Variants in GBP3 observed in about 807,000 individuals in gnomAD.
GBP3 encodes the protein guanylate binding protein 3.
In GBP3, 55 loss-of-function variants were observed where a neutral mutation model predicts 62.4. The ratio of observed to expected loss-of-function variants is 0.88; its 90% confidence interval spans 0.71 to 1.10. The LOEUF (loss-of-function observed/expected upper bound fraction) is 1.10. Ranked by LOEUF, GBP3 falls within the 50% of genes least tolerant of loss-of-function variation. GBP3 has a pLI of 0.00. For synonymous variants in GBP3, 208 were observed against 259.2 expected (o/e 0.80, Z 1.90); for missense variants, 605 against 690.6 (o/e 0.88, Z 1.39).
In GBP3 at chr1:89,011,266, C is replaced by G. The variant is rs1396004633; in HGVS notation, c.1150-150G>C. On this transcript the variant is annotated intron_variant, in intron 7 of 10. Coordinates refer to ENST00000370481, the MANE Select transcript of GBP3 (RefSeq NM_018284.3). ...AGCAGGACCACGCTCTTACTCCTGA[C>G]CCCACTTTCTACTGAAATCGCTTTC... 4 of 1,064,534 alleles carry G rather than the reference C, an allele frequency of 3.8e-6. 1 individual carries two copies. In the African/African-American group the frequency reaches 5.9e-5, roughly 16 times the overall value. 65.9% of individuals were successfully genotyped at this position (1,064,534 alleles called of 1,614,324 possible). A position where few individuals can be genotyped will look rare whatever the true frequency, so the allele number is the denominator to read the frequency against.
rs1678310728 is a variant in GBP3, at chr1:89,007,812, C to T, written c.1700G>A (p.Ser567Asn). 6.2e-7 allele frequency: 1 copy of T among 1,613,300 alleles called. No homozygotes were observed. Among genetic ancestry groups the T allele is most frequent in the Non-Finnish European group, 8.5e-7 (1 of 1,179,622 alleles). ...TTGTATCTCATTTTGAAGTTGGGTA[C>T]TTTCACCTTGGCATCTCTCCTTTAG... ...RVLKERCQGESTQLQNEIQKL... is the reference protein window; with the variant it reads ...RVLKERCQGENTQLQNEIQKL... Residue 567 changes from serine to asparagine, a missense_variant, in exon 11 of 11, where the codon AGT becomes AAT. Coordinates refer to ENST00000370481, the MANE Select transcript of GBP3 (RefSeq NM_018284.3).
In GBP3 at chr1:89,007,621, A is replaced by G. The variant is rs540116155; in HGVS notation, c.*103T>C. 9.3e-7 allele frequency: 1 copy of G among 1,076,586 alleles called. No individual in the cohort carries two copies. The allele number at this position is 1,076,586 out of a possible 1,614,324, so 66.7% of individuals were successfully genotyped here. On this transcript the variant is annotated 3_prime_UTR_variant, in exon 11 of 11. Coordinates refer to ENST00000370481, the MANE Select transcript of GBP3 (RefSeq NM_018284.3). Reference sequence around the variant, plus strand: ...CATGTTCTTGTAAACTTTTAGTGTTATGATGCAAGATCTAATTATTATCAA... The same window carrying G: ...CATGTTCTTGTAAACTTTTAGTGTTGTGATGCAAGATCTAATTATTATCAA...
rs182086463 is a variant in GBP3 at position 89,021,782 on chromosome 1, G to A, written c.-23+902C>T. Among the ~76,000 whole-genome samples the A allele has an allele frequency of 3.6e-4, 36 of 100,716 alleles. No individual in the cohort carries two copies. The Admixed American group carries it at 3.7e-3, about 10-fold the overall frequency. 66.1% of individuals were successfully genotyped at this position (100,716 alleles called of 152,430 possible). On this transcript the variant is annotated intron_variant, in intron 1 of 10. Coordinates refer to ENST00000370481, the MANE Select transcript of GBP3 (RefSeq NM_018284.3). ...TGAGGAGGACGAGGAGAAAGGGCTG[G>A]AAAGATGAGAGAGAGAGAGAGAGAG...
chr1:89,020,863 A>G, intron 1 of GBP3, 120 bp from the exon 2 acceptor site: 1 of 730,094 alleles, frequency 1.4e-6, no homozygotes, highest in South Asian at 1.9e-5. Context: ...AGATGAGGGA[A>G]AATGTGTATC....
intron 2 of GBP3, among the ~76,000 whole-genome samples, chr1:89,019,408 C>A (rs1297503463): frequency 6.6e-6 from 1 of 152,238 alleles, no homozygotes; most frequent in African/African-American, 2.4e-5. Flanking sequence ...CCTGCCCCAG[C>A]CTCCTGAGTA....
chr1:89,019,957 AT>A (rs1679088978), intron 2 of GBP3, among the ~76,000 whole-genome samples: 1 of 152,216 alleles, frequency 6.6e-6, no homozygotes, highest in South Asian at 2.1e-4. Context: ...AGACTGAAAC[AT>A]TTTTTCAACC....
intron 2 of GBP3, among the ~76,000 whole-genome samples, chr1:89,019,324 C>G (rs1444577275): frequency 6.6e-6 from 1 of 152,232 alleles, no homozygotes; most frequent in East Asian, 1.9e-4. Flanking sequence ...GAGTTTCGCT[C>G]TATGCCCAGG....
In GBP3 at chr1:89,013,377, T is replaced by C. The variant is rs1003851259; in HGVS notation, c.676A>G (p.Lys226Glu). The part of the protein sequence containing the change: ...NFNLPRLCIR[K>E]FFPKKKCFVF... The stretch of plus-strand genomic sequence containing the variant: ...AAACATTTTTTCTTTGGGAAGAACT[T>C]CCGGATACAGAGTCGGGGCAGATTA... The change falls in exon 6 of 11, where the codon AAG (lysine) becomes GAG (glutamate). Residue 226 changes from lysine to glutamate, a missense_variant. Physicochemically the swap from Lys to Glu is moderately conservative, Grantham distance 56 (BLOSUM62 1). Around this residue, in one of 3 missense-constraint regions of GBP3, gnomAD observed 308 missense variants for 318.0 expected, o/e 0.97. Coordinates refer to ENST00000370481, the MANE Select transcript of GBP3 (RefSeq NM_018284.3). 6.2e-7 allele frequency: 1 copy of C among 1,614,110 alleles called. No individual in the cohort carries two copies. Among genetic ancestry groups the C allele is most frequent in the East Asian group, 2.2e-5 (1 of 44,890 alleles).
In GBP3 at chr1:89,011,133, G is replaced by A. The variant is rs1678546648; in HGVS notation, c.1150-17C>T. 1 of 1,461,400 alleles carries A rather than the reference G, an allele frequency of 6.8e-7. No individual in the cohort carries two copies. Among genetic ancestry groups the A allele is most frequent in the African/African-American group, 1.4e-5 (1 of 73,918 alleles). The allele number at this position is 1,461,400 out of a possible 1,614,324, so 90.5% of individuals were successfully genotyped here. ...TAGCTGGGCCTTTAATGTAAAAATA[G>A]GAAGTAAAAAGAGTAACAGGGAAAG... On this transcript the variant is annotated splice_polypyrimidine_tract_variant and intron_variant, in intron 7 of 10. Transcript: ENST00000370481.
At chr1:89,012,930 C>T (rs1393405262) in intron 6 of GBP3, among the ~76,000 whole-genome samples, 15,720 of 118,232 alleles carry the variant, frequency 0.13, 2,586 homozygotes, top group Non-Finnish European at 0.2. Flanking sequence ...CTCTGCCTCC[C>T]AGGTTCAAGC....
Position 89,021,544 on chromosome 1 carries a change from A to ACACACACACCCCCCCC in GBP3, c.-22-802_-22-801insGGGGGGGGTGTGTGTG, listed in dbSNP as rs761151308. On this transcript the variant is annotated intron_variant, in intron 1 of 10. Coordinates refer to ENST00000370481, the MANE Select transcript of GBP3 (RefSeq NM_018284.3). ...CACACACACACACACACACACACAC[A>ACACACACACCCCCCCC]CCCCAAAAAAACCAAACCAAACAAA... Among the ~76,000 whole-genome samples, 17 of 141,038 alleles carry ACACACACACCCCCCCC rather than the reference A, an allele frequency of 1.2e-4. No individual in the cohort carries two copies. In the East Asian group the frequency reaches 1.3e-3, roughly 11 times the overall value. 92.5% of individuals were successfully genotyped at this position (141,038 alleles called of 152,430 possible).
chr1:89,013,271 A>T lies in GBP3; in HGVS notation c.782T>A (p.Val261Glu), dbSNP rs761102669. The part of the protein sequence containing the change: ...LQDEELDPEF[V>E]QQVADFCSYI... ...GGAACAGAAGTCTGCTACTTGTTGC[A>T]CAAATTCAGGGTCCAGCTCTTCATC... The change falls in exon 6 of 11, where the codon GTG (valine) becomes GAG (glutamate). Residue 261 changes from valine (V) to glutamate (E), a missense_variant. Physicochemically the swap from Val to Glu is moderately radical, Grantham distance 121. Around this residue, in one of 3 missense-constraint regions of GBP3, gnomAD observed 308 missense variants for 318.0 expected, o/e 0.97. Transcript: ENST00000370481. 1 of 1,614,192 alleles carries T rather than the reference A, an allele frequency of 6.2e-7. No individual in the cohort carries two copies. The highest frequency in any genetic ancestry group is 8.5e-7 in the Non-Finnish European group (1 of 1,180,032).
In GBP3 at chr1:89,020,668, A is replaced by C. The variant is rs762457345; in HGVS notation, c.54T>G (p.Asn18Lys). Residue 18 changes from asparagine (N) to lysine (K), a missense_variant, in exon 2 of 11, where the codon AAT becomes AAG. Coordinates refer to ENST00000370481, the MANE Select transcript of GBP3 (RefSeq NM_018284.3). ...TGPMCLIENT[N>K]GELVANPEAL... ...CTTCTGGATTCGCCACCAGTTCCCC[A>C]TTAGTGTTCTCAATGAGGCACATTG... 1 of 1,614,152 alleles carries C rather than the reference A, an allele frequency of 6.2e-7. No individual in the cohort carries two copies. Among genetic ancestry groups the C allele is most frequent in the East Asian group, 2.2e-5 (1 of 44,880 alleles).
chr1:89,013,591 T>C, intron 5 of GBP3, 164 bp from the exon 6 acceptor site: 1 of 707,648 alleles, frequency 1.4e-6, no homozygotes, highest in East Asian at 2.7e-5. Flanking sequence ...TGAATGGGCA[T>C]AGCATTCTTC....
intron 2 of GBP3, among the ~76,000 whole-genome samples, chr1:89,019,532 C>T (rs1465603047): frequency 6.6e-6 from 1 of 152,238 alleles, no homozygotes; most frequent in East Asian, 1.9e-4. Context: ...AGGTGATCTG[C>T]CTGCATTGGC....
At chr1:89,008,778 CAT>C (rs749037055) in intron 10 of GBP3, 167 bp downstream of exon 10, 34 of 1,299,540 alleles carry the variant, frequency 2.6e-5, no homozygotes, top group Non-Finnish European at 3.5e-5. Context: ...TTAGTGACCA[CAT>C]GTAGGCAGTG....
chr1:89,008,100 C>G (rs1445649866), intron 10 of GBP3, among the ~76,000 whole-genome samples: 7 of 151,978 alleles, frequency 4.6e-5, no homozygotes, highest in African/African-American at 1.7e-4. Flanking sequence ...TTTTTTCCCC[C>G]TATTAATTAT....
intron 2 of GBP3, among the ~76,000 whole-genome samples, chr1:89,016,200 A>T (rs1304027493): frequency 2.6e-5 from 4 of 152,190 alleles, no homozygotes; most frequent in Non-Finnish European, 5.9e-5. Context: ...TACCACCAAA[A>T]GGGCAAACTA....
Position 89,021,788 on chromosome 1 carries a change from TGAGAGAGAGAGAGAGAGAGA to T in GBP3, c.-23+876_-23+895del, listed in dbSNP as rs146229731. Among the ~76,000 whole-genome samples the T allele has an allele frequency of 8.0e-3, 525 of 65,378 alleles. 2 individuals are homozygous for T. Among genetic ancestry groups the T allele is most frequent in the African/African-American group, 0.023 (494 of 21,726 alleles). The allele number at this position is 65,378 out of a possible 152,430, so 42.9% of individuals were successfully genotyped here. A position where few individuals can be genotyped will look rare whatever the true frequency, so the allele number is the denominator to read the frequency against. On this transcript the variant is annotated intron_variant, in intron 1 of 10. Transcript: ENST00000370481. The stretch of plus-strand genomic sequence containing the variant: ...GGACGAGGAGAAAGGGCTGGAAAGA[TGAGAGAGAGAGAGAGAGAGA>T]GAGAGAGAGAGAGAGAGAGAGAGAA...
Sources: gnomAD v4.1 joint callset for allele counts (sites outside exome capture counted in the v4.1 genomes callset) on GRCh38, gnomAD v4.1.1 for gene constraint, gnomAD v4.1.1 regional missense constraint, MANE v1.5 for transcripts, NCBI Gene and HGNC (gene_info 2026-07-23, HGNC 2026-07-21) for gene names.